Variants in TMEM108 observed in about 807,000 individuals in gnomAD.
TMEM108 encodes the protein cancer/testis antigen 124.
Under a neutral mutation model 35.1 loss-of-function variants are expected in TMEM108, and 12 were observed. That is an observed-to-expected ratio of 0.34 (90% CI 0.22 to 0.55). The LOEUF is 0.55. Ranked by LOEUF, TMEM108 falls within the 20% of genes least tolerant of loss-of-function variation. TMEM108 has a pLI of 0.89. For synonymous variants in TMEM108, 287 were observed against 308.6 expected, an observed-to-expected ratio of 0.93 and a Z score of 0.73; for missense variants, 680 against 753.3, an observed-to-expected ratio of 0.90 and a Z score of 1.14.
At chr3:133,223,255 A>G (rs540477674) in intron 2 of TMEM108, among the ~76,000 whole-genome samples, 2 of 152,096 alleles carry the variant, frequency 1.3e-5, no homozygotes, top group South Asian at 2.1e-4. Flanking sequence ...TTTTCAGTCA[A>G]CCTGTCCAGA....
intron 2 of TMEM108, among the ~76,000 whole-genome samples, chr3:133,078,637 A>G (rs1943774015): frequency 6.6e-6 from 1 of 152,254 alleles, no homozygotes; most frequent in Non-Finnish European, 1.5e-5. Flanking sequence ...TCAAGAATAA[A>G]TACAACTTAG....
At chr3:133,110,153 A>G (rs973041548) in intron 2 of TMEM108, among the ~76,000 whole-genome samples, 1 of 152,148 alleles carries the variant, frequency 6.6e-6, no homozygotes, top group Non-Finnish European at 1.5e-5. Context: ...GCAGACAAGT[A>G]AAAAGGAGGA....
At chr3:133,205,497 T>A (rs1945739625) in intron 2 of TMEM108, among the ~76,000 whole-genome samples, 1 of 152,312 alleles carries the variant, frequency 6.6e-6, no homozygotes, top group Non-Finnish European at 1.5e-5. Flanking sequence ...AAGGCAGGCC[T>A]GGTGGTGACA....
chr3:133,204,611 T>C (rs1195396989), intron 2 of TMEM108, among the ~76,000 whole-genome samples: 1 of 152,238 alleles, frequency 6.6e-6, no homozygotes, highest in Non-Finnish European at 1.5e-5. Context: ...TTGTGTGGTT[T>C]TGAATGACTT....
At chr3:133,288,852 C>A (rs1292536427) in intron 3 of TMEM108, among the ~76,000 whole-genome samples, 1 of 152,110 alleles carries the variant, frequency 6.6e-6, no homozygotes, top group Non-Finnish European at 1.5e-5. Context: ...TTTCCTGTCT[C>A]AGCCTCCCAA....
At chr3:133,282,925 CAT>C (rs1180974716) in intron 3 of TMEM108, among the ~76,000 whole-genome samples, 12 of 152,094 alleles carry the variant, frequency 7.9e-5, no homozygotes, top group Non-Finnish European at 1.5e-4. Flanking sequence ...TTTTCCAAAA[CAT>C]ATGGATAAAT....
intron 2 of TMEM108, among the ~76,000 whole-genome samples, chr3:133,175,437 C>G (rs1016355491): frequency 6.6e-6 from 1 of 152,116 alleles, no homozygotes; most frequent in African/African-American, 2.4e-5. Context: ...GTCGGGTTAC[C>G]CACAAAGGGA....
intron 2 of TMEM108, among the ~76,000 whole-genome samples, chr3:133,167,214 C>T (rs1945053557): frequency 6.6e-6 from 1 of 152,226 alleles, no homozygotes; most frequent in Non-Finnish European, 1.5e-5. Context: ...GGTCTGTTTA[C>T]AAAACTTGAG....
chr3:133,214,638 C>A (rs1945879773), intron 2 of TMEM108, among the ~76,000 whole-genome samples: 1 of 152,106 alleles, frequency 6.6e-6, no homozygotes, highest in Non-Finnish European at 1.5e-5. Context: ...ACAGTCAATT[C>A]TTGTTATTCA....
intron 2 of TMEM108, among the ~76,000 whole-genome samples, chr3:133,173,532 T>C (rs1315495683): frequency 6.6e-6 from 1 of 152,224 alleles, no homozygotes; most frequent in Non-Finnish European, 1.5e-5. Flanking sequence ...AACTTTTCAG[T>C]TCAGAAGTGA....
chr3:133,099,385 G>A (rs1414141379), intron 2 of TMEM108, among the ~76,000 whole-genome samples: 1 of 152,210 alleles, frequency 6.6e-6, no homozygotes, highest in Non-Finnish European at 1.5e-5. Flanking sequence ...CTGCCGTGAA[G>A]GTCTCTGACA....
At chr3:133,129,673 T>G (rs1944464296) in intron 2 of TMEM108, among the ~76,000 whole-genome samples, 1 of 152,108 alleles carries the variant, frequency 6.6e-6, no homozygotes, top group Non-Finnish European at 1.5e-5. Context: ...GAAAGGAAAC[T>G]TGTTGATTGT....
In TMEM108 at chr3:133,207,118, G is replaced by A. The variant is rs950638938; in HGVS notation, c.-46-22148G>A. Among the ~76,000 whole-genome samples the A allele has an allele frequency of 1.3e-4, 20 of 152,220 alleles. 1 individual carries two copies. In the Middle Eastern group the frequency reaches 0.017, roughly 129 times the overall value. On this transcript the variant is annotated intron_variant, in intron 2 of 5. Coordinates refer to ENST00000321871, the MANE Select transcript of TMEM108 (RefSeq NM_023943.4). ...GTTTACAATGTGAGGGGAAAAACCCGCCTACTCAAGCCTCAGGGCCCTGGT... is the reference window on the plus strand; with the variant it reads ...GTTTACAATGTGAGGGGAAAAACCCACCTACTCAAGCCTCAGGGCCCTGGT...
chr3:133,174,066 G>C (rs754668873), intron 2 of TMEM108, among the ~76,000 whole-genome samples: 2 of 152,234 alleles, frequency 1.3e-5, no homozygotes, highest in African/African-American at 2.4e-5. Context: ...TATTCCCACG[G>C]AGCCTTGCTC....
rs369113619 is a variant in TMEM108 at position 133,168,883 on chromosome 3, A to G, written c.-46-60383A>G. On this transcript the variant is annotated intron_variant, in intron 2 of 5. Transcript: ENST00000321871. Reference sequence around the variant, plus strand: ...CGAGACCACAAACCCACCGGGAGGAAGGAACAACTCTGGATGCGCCGCCTT... The same window carrying G: ...CGAGACCACAAACCCACCGGGAGGAGGGAACAACTCTGGATGCGCCGCCTT... 3.1e-4 allele frequency among the ~76,000 whole-genome samples: 47 copies of G among 152,294 alleles called. No individual in the cohort carries two copies. In the South Asian group the frequency reaches 8.5e-3, roughly 28 times the overall value.
intron 3 of TMEM108, among the ~76,000 whole-genome samples, chr3:133,373,132 C>G (rs1041657315): frequency 2.0e-5 from 3 of 151,950 alleles, no homozygotes; most frequent in African/African-American, 7.3e-5. Context: ...TCTGAGAGGC[C>G]AAGGCAGGCA....
At chr3:133,060,146 A>G (rs1050082069) in intron 2 of TMEM108, among the ~76,000 whole-genome samples, 3 of 152,218 alleles carry the variant, frequency 2.0e-5, no homozygotes, top group Admixed American at 2.0e-4. Context: ...GGATAGACAT[A>G]GAACTTCCAT....
chr3:133,263,325 G>A (rs2107676916), intron 3 of TMEM108, among the ~76,000 whole-genome samples: 1 of 152,332 alleles, frequency 6.6e-6, no homozygotes, highest in Admixed American at 6.5e-5. Flanking sequence ...TTACCTGAGT[G>A]TTTGCTGCCT....
chr3:133,087,407 G>T (rs1425165700), intron 2 of TMEM108, among the ~76,000 whole-genome samples: 1 of 152,178 alleles, frequency 6.6e-6, no homozygotes, highest in African/African-American at 2.4e-5. Flanking sequence ...ATGCTAACTT[G>T]CTTTGTTGTA....
Sources: allele counts gnomAD v4.1 joint callset (sites outside exome capture counted in the v4.1 genomes callset), GRCh38; gene constraint gnomAD v4.1.1; transcripts MANE v1.5; gene names NCBI Gene and HGNC (gene_info 2026-07-23, HGNC 2026-07-21).